EYS: variants seen among roughly 807,000 people sequenced by gnomAD.
EYS encodes protein eyes shut homolog.
EYS carries 250 observed loss-of-function variants against 282.1 expected under a neutral mutation model. The ratio of observed to expected loss-of-function variants is 0.89; its 90% CI spans 0.80 to 0.98. The LOEUF is 0.98. Among genes scored for constraint, EYS ranks in the 50% least tolerant of loss-of-function variants. The pLI is 0.00. For synonymous variants in EYS, 1,355 were observed against 1,282.9 expected (o/e 1.06, Z -1.20); for missense variants, 4,016 against 3,709.0 (o/e 1.08, Z -2.15).
At chr6:63,891,761 A>G (rs1773414701) in intron 35 of EYS, among the ~76,000 whole-genome samples, 1 of 152,236 alleles carries the variant, frequency 6.6e-6, no homozygotes, top group East Asian at 1.9e-4. Context: ...AACGAAATAA[A>G]GGGTATTCAA....
chr6:63,797,144 CGACAGA>C (rs1770666472), intron 37 of EYS: 1 of 152,064 alleles, frequency 6.6e-6, no homozygotes, highest in African/African-American at 2.4e-5. Context: ...AATGATTCTG[CGACAGA>C]GACACCCAGA....
chr6:63,759,749 A>G (rs531502508), intron 41 of EYS, among the ~76,000 whole-genome samples: 2 of 152,222 alleles, frequency 1.3e-5, no homozygotes, highest in South Asian at 4.1e-4. Context: ...TACACCTGAA[A>G]AACAAGTATT....
chr6:64,078,533 C>G (rs1771849612), intron 32 of EYS, among the ~76,000 whole-genome samples: 1 of 152,038 alleles, frequency 6.6e-6, no homozygotes, highest in Non-Finnish European at 1.5e-5. Flanking sequence ...GTATTCCCAA[C>G]AGTGTAGGAT....
chr6:64,942,548 T>C, intron 15 of EYS, among the ~76,000 whole-genome samples: 1 of 148,986 alleles, frequency 6.7e-6, no homozygotes, highest in Non-Finnish European at 1.5e-5. Context: ...TTACAACTGA[T>C]CTCACAGAAG....
intron 12 of EYS, among the ~76,000 whole-genome samples, chr6:65,210,413 C>G (rs909658563): frequency 2.0e-5 from 3 of 151,960 alleles, no homozygotes; most frequent in African/African-American, 7.2e-5. Context: ...ATTATCTTCC[C>G]ACTTACATAT....
intron 21 of EYS, among the ~76,000 whole-genome samples, chr6:64,816,082 A>G (rs1562206765): frequency 6.6e-6 from 1 of 152,042 alleles, no homozygotes; most frequent in Non-Finnish European, 1.5e-5. Context: ...TTTATTTTTT[A>G]GCATTGGTGT....
chr6:64,696,186 T>C (rs1486832755), intron 22 of EYS, among the ~76,000 whole-genome samples: 2 of 152,086 alleles, frequency 1.3e-5, no homozygotes, highest in African/African-American at 2.4e-5. Context: ...ACAAAACTTC[T>C]GGAAATAAAA....
intron 26 of EYS, among the ~76,000 whole-genome samples, chr6:64,559,748 C>G (rs1765339337): frequency 6.6e-6 from 1 of 151,492 alleles, no homozygotes. Flanking sequence ...TTATATACTA[C>G]TCTTTTTTAA....
At chr6:65,025,144 T>C (rs1363287149) in intron 13 of EYS, among the ~76,000 whole-genome samples, 1 of 152,342 alleles carries the variant, frequency 6.6e-6, no homozygotes, top group Non-Finnish European at 1.5e-5. Context: ...TATTTGTACC[T>C]ATCATAAAAT....
chr6:63,961,186 G>C (rs533256179), intron 35 of EYS, among the ~76,000 whole-genome samples: 1 of 152,290 alleles, frequency 6.6e-6, no homozygotes, highest in African/African-American at 2.4e-5. Context: ...TTCAAAGATG[G>C]TGGAAGGTGT....
At chr6:63,929,341 C>T (rs1466882274) in intron 35 of EYS, among the ~76,000 whole-genome samples, 1 of 152,168 alleles carries the variant, frequency 6.6e-6, no homozygotes, top group African/African-American at 2.4e-5. Context: ...GCTCTTGATT[C>T]TCACTTGCCT....
intron 6 of EYS, among the ~76,000 whole-genome samples, chr6:65,403,637 G>A (rs918640807): frequency 6.6e-6 from 1 of 151,566 alleles, no homozygotes; most frequent in African/African-American, 2.4e-5. Flanking sequence ...AATTTTCCAA[G>A]TAATTTATCT....
intron 31 of EYS, among the ~76,000 whole-genome samples, chr6:64,146,550 A>T (rs1774524699): frequency 6.6e-6 from 1 of 152,200 alleles, no homozygotes; most frequent in African/African-American, 2.4e-5. Flanking sequence ...AAGGAAAAGC[A>T]CATATGGGTA....
intron 19 of EYS, among the ~76,000 whole-genome samples, chr6:64,823,295 T>C (rs1217923068): frequency 6.6e-6 from 1 of 151,754 alleles, no homozygotes; most frequent in Non-Finnish European, 1.5e-5. Context: ...TACCTGGGAT[T>C]TTCAAAGGCC....
intron 34 of EYS, among the ~76,000 whole-genome samples, chr6:63,993,461 G>A (rs1239167779): frequency 4.0e-5 from 6 of 151,674 alleles, no homozygotes; most frequent in East Asian, 1.9e-4. Context: ...AACTGTTAGA[G>A]CCAACAAATT....
chr6:64,909,267 T>C (rs185876397), intron 16 of EYS, among the ~76,000 whole-genome samples: 5 of 152,268 alleles, frequency 3.3e-5, no homozygotes, highest in Non-Finnish European at 5.9e-5. Flanking sequence ...AAGATAGATA[T>C]GTATTTGTGT....
chr6:63,737,925 G>A (rs201053176), intron 41 of EYS, among the ~76,000 whole-genome samples: 9 of 151,442 alleles, frequency 5.9e-5, no homozygotes, highest in African/African-American at 2.0e-4. Context: ...AGTGGGTGAA[G>A]GACATGAACA....
chr6:65,419,662 C>T (rs1767378293), intron 5 of EYS, among the ~76,000 whole-genome samples: 1 of 151,606 alleles, frequency 6.6e-6, no homozygotes. Context: ...TGTAATGTAC[C>T]TCAATATATC....
At chr6:64,889,923 G>A (rs1292633046) in intron 18 of EYS, among the ~76,000 whole-genome samples, 1 of 151,978 alleles carries the variant, frequency 6.6e-6, no homozygotes, top group Non-Finnish European at 1.5e-5. Context: ...TGAGCTGGGT[G>A]GAACGGAGCC....
Sources: gnomAD v4.1 joint callset for allele counts (sites outside exome capture counted in the v4.1 genomes callset) on GRCh38, gnomAD v4.1.1 for gene constraint, MANE v1.5 for transcripts, NCBI Gene and HGNC (gene_info 2026-07-23, HGNC 2026-07-21) for gene names.